The following INPPL1 variants were observed in gnomAD, a reference collection of about 807,000 sequenced individuals.
INPPL1 encodes the protein phosphatidylinositol 3,4,5-trisphosphate 5-phosphatase 2.
In INPPL1, 91 loss-of-function variants were observed where a neutral mutation model predicts 139.3. The observed-to-expected ratio is 0.65, with a 90% CI of 0.55 to 0.78. The LOEUF (loss-of-function observed/expected upper bound fraction) is 0.78. Ranked by LOEUF, INPPL1 falls within the 30% of genes least tolerant of loss-of-function variation. The pLI is 0.00. For missense variants in INPPL1, 1,411 were observed against 1,665.6 expected, an observed-to-expected ratio of 0.85 and a Z score of 2.66; for synonymous variants, 719 against 686.6, an observed-to-expected ratio of 1.05 and a Z score of -0.74.
intron 1 of INPPL1, among the ~76,000 whole-genome samples, chr11:72,227,634 G>A (rs540265135): frequency 6.6e-6 from 1 of 152,302 alleles, no homozygotes; most frequent in East Asian, 1.9e-4. Flanking sequence ...TTGGCTTGGG[G>A]CTCCTAGAGG....
In INPPL1 at chr11:72,230,291, G is replaced by T. The variant is rs1211956328; in HGVS notation, c.1090+20G>T. ...ACCGCAGTGAGCCAGGGCCAGACCT[G>T]GGAGGGGTGGGCAGGGCGGAGCCCC... On this transcript the variant is annotated intron_variant, in intron 9 of 27. Coordinates refer to ENST00000298229, the MANE Select transcript of INPPL1 (RefSeq NM_001567.4). 2.5e-6 allele frequency: 4 copies of T among 1,610,188 alleles called. No individual in the cohort carries two copies. In the African/African-American group the frequency reaches 4.0e-5, roughly 16 times the overall value.
intron 10 of INPPL1, 110 bp downstream of exon 10, chr11:72,230,578 C>A: frequency 9.0e-7 from 1 of 1,114,246 alleles, no homozygotes; most frequent in South Asian, 1.3e-5. Flanking sequence ...GCCATCCCTC[C>A]TGGCAGGGGT....
At position 72,233,757 on chromosome 11, in the gene INPPL1, G is replaced by A; in HGVS notation, c.2212+13G>A. The A allele has an allele frequency of 6.2e-7, 1 of 1,610,528 alleles. No homozygotes were observed. Among genetic ancestry groups the A allele is most frequent in the South Asian group, 1.1e-5 (1 of 91,016 alleles). On this transcript the variant is annotated intron_variant, in intron 19 of 27. Transcript: ENST00000298229. Reference sequence around the variant, plus strand: ...ATCTCCAAGAAAGGTGACTGTTCCAGATATGCTTGTGGGTGTGGCATAATC... The same window carrying A: ...ATCTCCAAGAAAGGTGACTGTTCCAAATATGCTTGTGGGTGTGGCATAATC...
At position 72,236,038 on chromosome 11, in the gene INPPL1, A is replaced by G. The variant is rs146987633; in HGVS notation, c.2879+52A>G. 863 of 885,028 alleles carry G rather than the reference A, an allele frequency of 9.8e-4. 5 individuals carry two copies. In the African/African-American group the frequency reaches 0.015, roughly 16 times the overall value. 54.8% of individuals were successfully genotyped at this position (885,028 alleles called of 1,614,324 possible). ...CCCCTTCCCCCACCCACCTCTATCC[A>G]TCACTATCCCCTGCAGGGTCTCAGG... On this transcript the variant is annotated intron_variant, in intron 25 of 27. Coordinates refer to ENST00000298229, the MANE Select transcript of INPPL1 (RefSeq NM_001567.4).
chr11:72,231,234 C>A, intron 12 of INPPL1, 45 bp downstream of exon 12: 1 of 1,546,908 alleles, frequency 6.5e-7, no homozygotes, highest in Non-Finnish European at 8.8e-7. Flanking sequence ...TCACACACCA[C>A]CTCCAAACTA....
Position 72,231,043 on chromosome 11 carries a change from C to T in INPPL1, c.1351C>T (p.Leu451=), listed in dbSNP as rs779086037. ...NVTSWFTSKG[L]GKTLDEVTVT... is the part of the protein sequence containing the mutation. The stretch of plus-strand genomic sequence containing the variant: ...GACATCCTGGTTCACATCGAAGGGT[C>T]TGGGGAAGACCCTGGACGAGGTCAC... The change falls in exon 12 of 28, where the codon CTG becomes TTG. Residue 451 remains leucine (L), a synonymous_variant. Coordinates refer to ENST00000298229, the MANE Select transcript of INPPL1 (RefSeq NM_001567.4). 2 of 1,614,112 alleles carry T rather than the reference C, an allele frequency of 1.2e-6. No homozygotes were observed.
At position 72,235,920 on chromosome 11, in the gene INPPL1, C is replaced by T. The variant is rs144622174; in HGVS notation, c.2813C>T (p.Pro938Leu). The change falls in exon 25 of 28, where the codon CCG (proline) becomes CTG (leucine). Residue 938 changes from proline to leucine, a missense_variant. This residue lies in a region of INPPL1 where 99 missense variants were observed against 171.6 expected (regional missense o/e 0.58). Transcript: ENST00000298229. This position sits in a 1 kb window ranked among gnomAD's most constrained non-coding sequence, Gnocchi z 4.9. The stretch of plus-strand genomic sequence containing the variant: ...AGGTTATTTGAAGAACCAGAGAAAC[C>T]GCCACCAACGGGGAGGCCCCCAGCC... Reference protein sequence around the residue: ...LSRLFEEPEKPPPTGRPPAPP... With the variant: ...LSRLFEEPEKLPPTGRPPAPP... 5.0e-5 allele frequency: 81 copies of T among 1,612,954 alleles called. No individual in the cohort carries two copies. The highest frequency in any genetic ancestry group is 2.2e-4 in the Admixed American group (13 of 60,002).
At chr11:72,236,025 C>T (rs758096730) in intron 25 of INPPL1, 39 bp downstream of exon 25, 8 of 1,181,594 alleles carry the variant, frequency 6.8e-6, no homozygotes, top group Non-Finnish European at 9.7e-6. Context: ...CCTTCCCCCA[C>T]CCACCTCTAT....
intron 25 of INPPL1, 116 bp downstream of exon 25, chr11:72,236,102 A>C (rs1948984107): frequency 1.5e-6 from 1 of 647,342 alleles, no homozygotes; most frequent in Admixed American, 3.0e-5. Context: ...GTGCCCTGCC[A>C]CTCTGTGGTT....
intron 7 of INPPL1, 21 bp from the exon 8 acceptor site, chr11:72,229,903 C>T (rs749087113): frequency 6.8e-6 from 11 of 1,611,364 alleles, no homozygotes; most frequent in Non-Finnish European, 9.3e-6. Context: ...CCTGACCCCG[C>T]CCTGCCCTTG....
In INPPL1 at chr11:72,230,442, A is replaced by G; in HGVS notation, c.1171A>G (p.Lys391Glu). 6.2e-7 allele frequency: 1 copy of G among 1,613,984 alleles called. No individual in the cohort carries two copies. Among genetic ancestry groups the G allele is most frequent in the African/African-American group, 1.3e-5 (1 of 75,060 alleles). ...GAAGGAGAAGGACCGGACTCAGCGC[A>G]AGGACTTCATCTTTGTCAGTGCCCG... ...FEKEKDRTQR[K>E]DFIFVSARKR... is the part of the protein sequence containing the mutation. The change falls in exon 10 of 28, where the codon AAG becomes GAG. Residue 391 changes from lysine (K) to glutamate (E), a missense_variant. By Grantham distance (56) the Lys-to-Glu change is moderately conservative. Coordinates refer to ENST00000298229, the MANE Select transcript of INPPL1 (RefSeq NM_001567.4).
chr11:72,230,112 G>A lies in INPPL1; in HGVS notation c.940-9G>A. 2 of 1,610,886 alleles carry A rather than the reference G, an allele frequency of 1.2e-6. No individual in the cohort carries two copies. The highest frequency in any genetic ancestry group is 1.7e-5 in the Admixed American group (1 of 59,926). On this transcript the variant is annotated splice_polypyrimidine_tract_variant and intron_variant, in intron 8 of 27. Coordinates refer to ENST00000298229, the MANE Select transcript of INPPL1 (RefSeq NM_001567.4). ...GGTCTTGTCAGCAGCCTCCCCACCTGGCCTACAGGTGAAGCTAGATGTGAC... is the reference window on the plus strand; with the variant it reads ...GGTCTTGTCAGCAGCCTCCCCACCTAGCCTACAGGTGAAGCTAGATGTGAC...
rs1949049768 is a variant in INPPL1, at chr11:72,238,107, G to T, written c.3618G>T (p.Arg1206=). Residue 1206 remains arginine (R), a synonymous_variant, in exon 27 of 28, where the codon CGG becomes CGT. Coordinates refer to ENST00000298229, the MANE Select transcript of INPPL1 (RefSeq NM_001567.4). ...LGEAGMSAWL[R]AIGLERYEEG... is the part of the protein sequence containing the mutation. ...AGGCAGGCATGAGTGCCTGGCTGCG[G>T]GCCATCGGCTTGGAGCGCTATGAGG... 2.5e-6 allele frequency: 4 copies of T among 1,584,454 alleles called. No individual in the cohort carries two copies. The East Asian group carries it at 6.8e-5, about 27-fold the overall frequency.
At position 72,228,453 on chromosome 11, in the gene INPPL1, G is replaced by T; in HGVS notation, c.352G>T (p.Glu118Ter). 1.9e-6 allele frequency: 3 copies of T among 1,611,278 alleles called. No individual in the cohort carries two copies. The highest frequency in any genetic ancestry group is 2.5e-6 in the Non-Finnish European group (3 of 1,180,000). Reference protein sequence around the residue: ...GLVCALLLPVEGEREPDPPDD... With the variant: ...GLVCALLLPV ...TGTGTGCGCCCTGCTTCTTCCTGTAGAGGGTGAGCGAGAGCCGGACCCACC... is the reference window on the plus strand; with the variant it reads ...TGTGTGCGCCCTGCTTCTTCCTGTATAGGGTGAGCGAGAGCCGGACCCACC... The change falls in exon 3 of 28, where the codon GAG becomes TAG. Residue 118 changes from glutamate to a stop codon, truncating the protein, a stop_gained. Transcript: ENST00000298229. LOFTEE classifies it high-confidence loss of function. The surrounding 1 kb of genome is among the most constrained non-coding windows in gnomAD (Gnocchi z 5.0).
chr11:72,233,319 G>A (rs971896790), intron 17 of INPPL1, 122 bp from the exon 18 acceptor site: 2 of 1,057,006 alleles, frequency 1.9e-6, no homozygotes, highest in East Asian at 5.0e-5. Flanking sequence ...GATCCAAGAA[G>A]GGAGGTGGGT....
chr11:72,237,107 T>C lies in INPPL1; in HGVS notation c.2880-17T>C, dbSNP rs1949008293. ...GGTTCCTGGATCCTGGCTTAGTCGT[T>C]CTGCTTCCACACCCAGGTTGAAGCC... On this transcript the variant is annotated splice_polypyrimidine_tract_variant and intron_variant, in intron 25 of 27. Coordinates refer to ENST00000298229, the MANE Select transcript of INPPL1 (RefSeq NM_001567.4). The C allele has an allele frequency of 1.9e-6, 3 of 1,558,484 alleles. No individual in the cohort carries two copies. In the South Asian group the frequency reaches 3.6e-5, roughly 18 times the overall value.
chr11:72,231,441 G>C (rs1213391436), intron 12 of INPPL1, 57 bp from the exon 13 acceptor site: 2 of 1,322,184 alleles, frequency 1.5e-6, no homozygotes, highest in Non-Finnish European at 2.2e-6. Flanking sequence ...ATAGTGCAGG[G>C]GGAAATGCAG....
chr11:72,225,261 G>A (rs547332744), intron 1 of INPPL1, 95 bp downstream of exon 1: 23 of 1,220,812 alleles, frequency 1.9e-5, no homozygotes, highest in African/African-American at 1.6e-4. Flanking sequence ...TTCTGGGGCG[G>A]TGGGACGCCA....
rs1351988022 is a variant in INPPL1 at position 72,235,371 on chromosome 11, G to T, written c.2579G>T (p.Gly860Val). Residue 860 changes from glycine to valine, a missense_variant, in exon 23 of 28, where the codon GGC (glycine) becomes GTC (valine). Coordinates refer to ENST00000298229, the MANE Select transcript of INPPL1 (RefSeq NM_001567.4). This position sits in a 1 kb window ranked among gnomAD's most constrained non-coding sequence, Gnocchi z 4.9. The stretch of plus-strand genomic sequence containing the variant: ...TTCCTGACCTTCCTATCCCACCGTG[G>T]CGAGGAGACAGGCAATATCAGAGGC... Reference protein sequence around the residue: ...QQFLTFLSHRGEETGNIRGSM... With the variant: ...QQFLTFLSHRVEETGNIRGSM... 1.2e-6 allele frequency: 2 copies of T among 1,614,132 alleles called. No individual in the cohort carries two copies. Among genetic ancestry groups the T allele is most frequent in the Non-Finnish European group, 1.7e-6 (2 of 1,180,018 alleles).
Sources: allele counts gnomAD v4.1 joint callset (sites outside exome capture counted in the v4.1 genomes callset), GRCh38; gene constraint gnomAD v4.1.1; regional missense constraint gnomAD v4.1.1; non-coding constraint Gnocchi (gnomAD v3.1); transcripts MANE v1.5; gene names NCBI Gene and HGNC (gene_info 2026-07-23, HGNC 2026-07-21).